Variants in GPC6 observed in about 807,000 individuals in gnomAD.
GPC6 encodes glypican 6, also known as glypican-6.
A neutral mutation model predicts 55.2 loss-of-function variants in GPC6; 14 were observed. The ratio of observed to expected loss-of-function variants is 0.25; its 90% CI spans 0.17 to 0.40. The LOEUF (loss-of-function observed/expected upper bound fraction) is 0.40. Ranked by LOEUF, GPC6 falls within the 10% of genes least tolerant of loss-of-function variation. The pLI is 1.00. For synonymous variants in GPC6, 278 were observed against 259.6 expected (o/e 1.07, Z -0.68); for missense variants, 641 against 708.5 (o/e 0.90, Z 1.08).
At chr13:93,514,564 T>C (rs1353768725) in intron 1 of GPC6, among the ~76,000 whole-genome samples, 1 of 152,206 alleles carries the variant, frequency 6.6e-6, no homozygotes, top group African/African-American at 2.4e-5. Flanking sequence ...TTGGTAGGCA[T>C]ATGCAATGGT....
chr13:93,393,888 T>C (rs1875747158), intron 1 of GPC6, among the ~76,000 whole-genome samples: 1 of 152,068 alleles, frequency 6.6e-6, no homozygotes, highest in South Asian at 2.1e-4. Context: ...TCTTATTCCT[T>C]CCTCACTTTT....
rs187996704 is a variant in GPC6, at chr13:93,626,518, C to T, written c.319+81097C>T. 3.2e-4 allele frequency among the ~76,000 whole-genome samples: 49 copies of T among 152,188 alleles called. No individual in the cohort carries two copies. In the East Asian group the frequency reaches 3.3e-3, roughly 10 times the overall value. ...ATTCTTGCACTGCTATAAAAAATTC[C>T]TGGCTGGACTCAGTGGCTCACACCT... On this transcript the variant is annotated intron_variant, in intron 2 of 8. Coordinates refer to ENST00000377047, the MANE Select transcript of GPC6 (RefSeq NM_005708.5).
In GPC6 at chr13:93,227,806, G is replaced by C. The variant is rs765246325; in HGVS notation, c.160+190G>C. ...GCTTCTTCGGCGGGGGAAGGTGTGC[G>C]TCTCCGCCGCCTCATTGTGTGCACA... On this transcript the variant is annotated intron_variant, in intron 1 of 8. Transcript: ENST00000377047. The surrounding 1 kb of genome is among the most constrained non-coding windows in gnomAD (Gnocchi z 4.3). 1.6e-4 allele frequency among the ~76,000 whole-genome samples: 25 copies of C among 152,158 alleles called. No homozygotes were observed. Among genetic ancestry groups the C allele is most frequent in the Non-Finnish European group, 2.9e-4 (20 of 68,024 alleles).
At chr13:94,147,507 G>A (rs147198266) in intron 4 of GPC6, among the ~76,000 whole-genome samples, 149 of 152,224 alleles carry the variant, frequency 9.8e-4, no homozygotes, top group African/African-American at 2.6e-3. Context: ...TGTTTTGAAG[G>A]TTGAGTAAGA....
At chr13:94,384,719 T>C (rs1363655275) in intron 7 of GPC6, among the ~76,000 whole-genome samples, 1 of 152,176 alleles carries the variant, frequency 6.6e-6, no homozygotes, top group Non-Finnish European at 1.5e-5. Flanking sequence ...ATTAGTCCAC[T>C]GTTACCCAAT....
At chr13:94,040,185 T>C (rs117460732) in intron 4 of GPC6, among the ~76,000 whole-genome samples, 1,531 of 151,952 alleles carry the variant, frequency 0.01, 6 homozygotes, top group Middle Eastern at 0.017. Context: ...AGCTGAAGCA[T>C]GAAAGTTGTT....
intron 3 of GPC6, among the ~76,000 whole-genome samples, chr13:93,984,581 A>G (rs1241245165): frequency 6.6e-6 from 1 of 152,222 alleles, no homozygotes; most frequent in African/African-American, 2.4e-5. Context: ...ACACATAAAG[A>G]TGTATGTGCC....
chr13:93,968,411 A>G (rs1399952589), intron 3 of GPC6, among the ~76,000 whole-genome samples: 1 of 152,134 alleles, frequency 6.6e-6, no homozygotes, highest in Non-Finnish European at 1.5e-5. Context: ...GGCTAACACA[A>G]TTAGCTTAAA....
At chr13:93,726,614 G>A (rs55748160) in intron 2 of GPC6, among the ~76,000 whole-genome samples, 1 of 151,960 alleles carries the variant, frequency 6.6e-6, no homozygotes, top group African/African-American at 2.4e-5. Flanking sequence ...ACCTGTTTTA[G>A]TTCCTTGGGA....
At chr13:93,272,340 T>C (rs555420613) in intron 1 of GPC6, among the ~76,000 whole-genome samples, 1 of 151,972 alleles carries the variant, frequency 6.6e-6, no homozygotes, top group Admixed American at 6.6e-5. Context: ...AACCATGATA[T>C]ATAAATTTAT....
chr13:94,239,678 A>G (rs1890994165), intron 4 of GPC6, among the ~76,000 whole-genome samples: 1 of 152,164 alleles, frequency 6.6e-6, no homozygotes, highest in South Asian at 2.1e-4. Flanking sequence ...TTGCGAAATG[A>G]TAGTTTCCTG....
chr13:93,855,893 A>T (rs1040640630), intron 3 of GPC6, among the ~76,000 whole-genome samples: 1 of 151,438 alleles, frequency 6.6e-6, no homozygotes, highest in Non-Finnish European at 1.5e-5. Context: ...TTGTTTTCTT[A>T]TTGTTGATTT....
At chr13:93,492,571 G>A (rs1263719549) in intron 1 of GPC6, among the ~76,000 whole-genome samples, 5 of 142,670 alleles carry the variant, frequency 3.5e-5, no homozygotes, top group African/African-American at 1.3e-4. Context: ...GAATAGGAGT[G>A]GTGAGAGAGG....
At chr13:94,273,827 C>G (rs920248115) in intron 4 of GPC6, among the ~76,000 whole-genome samples, 16 of 152,156 alleles carry the variant, frequency 1.1e-4, no homozygotes, top group African/African-American at 3.4e-4. Context: ...CTCTTTACCC[C>G]TTAAATTCTA....
intron 2 of GPC6, among the ~76,000 whole-genome samples, chr13:93,561,971 G>C (rs899471390): frequency 3.3e-5 from 5 of 152,124 alleles, no homozygotes; most frequent in Admixed American, 2.6e-4. Flanking sequence ...TCCAGATGCT[G>C]CAACTGCTGT....
At chr13:94,019,388 A>G (rs932210843) in intron 3 of GPC6, among the ~76,000 whole-genome samples, 4 of 152,280 alleles carry the variant, frequency 2.6e-5, no homozygotes, top group African/African-American at 2.4e-5. Flanking sequence ...AACAGAAACT[A>G]TTTCATAGTT....
chr13:93,982,350 T>A (rs1880843534), intron 3 of GPC6, among the ~76,000 whole-genome samples: 1 of 152,132 alleles, frequency 6.6e-6, no homozygotes, highest in Admixed American at 6.6e-5. Flanking sequence ...ATGTGATTAG[T>A]CCCAGATGTC....
chr13:93,321,836 T>C (rs1460904990), intron 1 of GPC6, among the ~76,000 whole-genome samples: 1 of 152,102 alleles, frequency 6.6e-6, no homozygotes, highest in Admixed American at 6.5e-5. Context: ...CTCAGCCCAT[T>C]TCAACATCTA....
chr13:93,492,623 GT>G (rs990745973), intron 1 of GPC6, among the ~76,000 whole-genome samples: 2 of 150,236 alleles, frequency 1.3e-5, no homozygotes, highest in African/African-American at 2.5e-5. Flanking sequence ...AATGCTTCTA[GT>G]TTTTGCCCAT....
Sources: allele counts gnomAD v4.1 joint callset (sites outside exome capture counted in the v4.1 genomes callset), GRCh38; gene constraint gnomAD v4.1.1; non-coding constraint Gnocchi (gnomAD v3.1); transcripts MANE v1.5; gene names NCBI Gene and HGNC (gene_info 2026-07-23, HGNC 2026-07-21).